Variants in PTPRN2 observed in about 807,000 individuals in gnomAD.
PTPRN2 encodes receptor-type tyrosine-protein phosphatase N2.
Under a neutral mutation model 118.8 loss-of-function variants are expected in PTPRN2, and 74 were observed. The ratio of observed to expected loss-of-function variants is 0.62; its 90% CI spans 0.52 to 0.76. The LOEUF (loss-of-function observed/expected upper bound fraction) is 0.76, where lower values mean the gene tolerates loss of function less well. PTPRN2 is among the 30% of genes least tolerant of loss of function. The pLI is 0.00. For missense variants in PTPRN2, 1,481 were observed against 1,394.4 expected (o/e 1.06, Z -0.99); for synonymous variants, 641 against 608.0 (o/e 1.05, Z -0.80).
At chr7:158,342,111 A>G (rs1326406058) in intron 2 of PTPRN2, among the ~76,000 whole-genome samples, 1 of 145,854 alleles carries the variant, frequency 6.9e-6, no homozygotes, top group African/African-American at 2.6e-5. Flanking sequence ...CGTCACTCAC[A>G]CCCACACTCT....
At chr7:157,892,946 C>A (rs73165886) in intron 12 of PTPRN2, among the ~76,000 whole-genome samples, 7,348 of 152,320 alleles carry the variant, frequency 0.048, 260 homozygotes, top group Non-Finnish European at 0.077. Flanking sequence ...TTTCTGCACT[C>A]ACTTGGGGCA....
At chr7:158,244,073 C>T (rs1356845388) in intron 3 of PTPRN2, among the ~76,000 whole-genome samples, 1 of 152,190 alleles carries the variant, frequency 6.6e-6, no homozygotes, top group Non-Finnish European at 1.5e-5. Flanking sequence ...TCCCTCCTTC[C>T]TCACAATGTG....
intron 2 of PTPRN2, among the ~76,000 whole-genome samples, chr7:158,323,398 C>T (rs1399046772): frequency 2.0e-5 from 3 of 152,144 alleles, no homozygotes; most frequent in Admixed American, 6.5e-5. Flanking sequence ...AAGGCTGGAC[C>T]CCACTGCCTC....
Position 157,615,595 on chromosome 7 carries a change from C to T in PTPRN2, c.2344+5767G>A, listed in dbSNP as rs984466879. On this transcript the variant is annotated intron_variant, in intron 15 of 22. Coordinates refer to ENST00000389418, the MANE Select transcript of PTPRN2 (RefSeq NM_002847.5). This position sits in a 1 kb window ranked among gnomAD's most constrained non-coding sequence, Gnocchi z 4.3. ...CGCCTGGGAAGTCCCGCGGTGGATC[C>T]GCGTCACGGGGGAGGATTGGCTCAG... 9.8e-5 allele frequency: 46 copies of T among 471,042 alleles called. 2 individuals are homozygous for T. The highest frequency in any genetic ancestry group is 6.3e-4 in the Admixed American group (27 of 42,572). The allele number at this position is 471,042 out of a possible 1,614,324, so 29.2% of individuals were successfully genotyped here.
At chr7:158,117,793 C>A (rs1273951823) in intron 9 of PTPRN2, among the ~76,000 whole-genome samples, 1 of 146,032 alleles carries the variant, frequency 6.8e-6, no homozygotes, top group Non-Finnish European at 1.5e-5. Flanking sequence ...AAAAAAAAAA[C>A]CTGTCAACCA....
At chr7:157,921,064 C>G (rs1245881702) in intron 11 of PTPRN2, among the ~76,000 whole-genome samples, 1 of 152,194 alleles carries the variant, frequency 6.6e-6, no homozygotes, top group Admixed American at 6.5e-5. Flanking sequence ...ATTGCCCAAA[C>G]TTGGAAGCAA....
chr7:157,839,357 TCTGTGTGG>T (rs1488697205), intron 12 of PTPRN2, among the ~76,000 whole-genome samples: 2 of 152,054 alleles, frequency 1.3e-5, no homozygotes, highest in African/African-American at 4.8e-5. Context: ...ACTGTGTGTG[TCTGTGTGG>T]CTGTGTGGGA....
Position 157,591,924 on chromosome 7 carries a change from T to G in PTPRN2, c.2496+3314A>C, listed in dbSNP as rs911832214. 2.0e-5 allele frequency among the ~76,000 whole-genome samples: 3 copies of G among 152,164 alleles called. No individual in the cohort carries two copies. The highest frequency in any genetic ancestry group is 4.4e-5 in the Non-Finnish European group (3 of 68,032). ...AGGGAGCAAAATGAAGCGAGTTTCT[T>G]TAGTTCACAATTTCTCAGAGGCTCT... On this transcript the variant is annotated intron_variant, in intron 17 of 22. Coordinates refer to ENST00000389418, the MANE Select transcript of PTPRN2 (RefSeq NM_002847.5). The surrounding 1 kb of genome is among the most constrained non-coding windows in gnomAD (Gnocchi z 4.4).
At chr7:158,239,816 G>A (rs758783203) in intron 3 of PTPRN2, among the ~76,000 whole-genome samples, 1 of 152,188 alleles carries the variant, frequency 6.6e-6, no homozygotes, top group African/African-American at 2.4e-5. Flanking sequence ...CTTCCTCCAC[G>A]CCCATTGGGT....
intron 11 of PTPRN2, among the ~76,000 whole-genome samples, chr7:158,075,690 G>A (rs1812298032): frequency 6.6e-6 from 1 of 152,246 alleles, no homozygotes; most frequent in Non-Finnish European, 1.5e-5. Context: ...GATGTTCTAA[G>A]AGCAGGAGGA....
intron 11 of PTPRN2, among the ~76,000 whole-genome samples, chr7:157,955,875 A>G (rs1325952567): frequency 1.3e-5 from 2 of 152,130 alleles, no homozygotes; most frequent in African/African-American, 2.4e-5. Context: ...CATCTGAGAA[A>G]ACCCCCAAAT....
At chr7:158,342,307 A>G (rs1208223397) in intron 2 of PTPRN2, among the ~76,000 whole-genome samples, 9 of 134,244 alleles carry the variant, frequency 6.7e-5, no homozygotes, top group Non-Finnish European at 9.3e-5. Context: ...CGCAGACGTC[A>G]CTCACACCCA....
intron 12 of PTPRN2, among the ~76,000 whole-genome samples, chr7:157,747,188 C>T (rs1287997548): frequency 5.6e-5 from 3 of 53,550 alleles, no homozygotes; most frequent in Admixed American, 2.2e-4. Flanking sequence ...GTGGGGTGTG[C>T]GGGTGATTCT....
At chr7:158,068,837 C>CT (rs964804599) in intron 11 of PTPRN2, among the ~76,000 whole-genome samples, 1 of 152,190 alleles carries the variant, frequency 6.6e-6, no homozygotes, top group Admixed American at 6.5e-5. Flanking sequence ...AACTTGCTTT[C>CT]TCATGGATTA....
At chr7:157,620,249 CAT>C (rs1266037125) in intron 15 of PTPRN2, among the ~76,000 whole-genome samples, 3 of 152,154 alleles carry the variant, frequency 2.0e-5, no homozygotes, top group African/African-American at 7.2e-5. Context: ...CTGCTATACA[CAT>C]AGAGGATGAG....
At chr7:158,510,041 G>A (rs2129446957) in intron 1 of PTPRN2, among the ~76,000 whole-genome samples, 1 of 152,324 alleles carries the variant, frequency 6.6e-6, no homozygotes, top group African/African-American at 2.4e-5. Flanking sequence ...CCATTCCCCA[G>A]AGCTGCTAAG....
chr7:157,926,417 G>C (rs1798999005), intron 11 of PTPRN2, among the ~76,000 whole-genome samples: 2 of 152,250 alleles, frequency 1.3e-5, no homozygotes, highest in Admixed American at 1.3e-4. Context: ...CTATGTGCCA[G>C]TTCTGTATTA....
chr7:157,835,856 A>T (rs989606507), intron 12 of PTPRN2, among the ~76,000 whole-genome samples: 14 of 151,956 alleles, frequency 9.2e-5, no homozygotes, highest in Admixed American at 7.2e-4. Context: ...TGATGACAGG[A>T]TGAGCAAGCA....
chr7:158,149,058 C>A (rs1312400862), intron 6 of PTPRN2, among the ~76,000 whole-genome samples: 1 of 135,780 alleles, frequency 7.4e-6, no homozygotes, highest in African/African-American at 2.9e-5. Context: ...CACCCCATCT[C>A]ATGCCACGTG....
Sources: allele counts gnomAD v4.1 joint callset (sites outside exome capture counted in the v4.1 genomes callset), GRCh38; gene constraint gnomAD v4.1.1; non-coding constraint Gnocchi (gnomAD v3.1); transcripts MANE v1.5; gene names NCBI Gene and HGNC (gene_info 2026-07-23, HGNC 2026-07-21).